DGKI: variants seen among roughly 807,000 people sequenced by gnomAD.
The protein encoded by DGKI is DAG kinase iota.
Under a neutral mutation model 147.5 loss-of-function variants are expected in DGKI, and 55 were observed. The ratio of observed to expected loss-of-function variants is 0.37; its 90% CI spans 0.30 to 0.47. The LOEUF (loss-of-function observed/expected upper bound fraction) is 0.47, where lower values mean the gene tolerates loss of function less well. Ranked by LOEUF, DGKI falls within the 20% of genes least tolerant of loss-of-function variation. The pLI, the probability that DGKI is intolerant of heterozygous loss-of-function variation, is 1.00. For synonymous variants in DGKI, 469 were observed against 477.1 expected (o/e 0.98, Z 0.22); for missense variants, 1,007 against 1,323.8 (o/e 0.76, Z 3.71).
At chr7:137,589,011 G>A (rs1009189584) in intron 12 of DGKI, among the ~76,000 whole-genome samples, 1 of 152,128 alleles carries the variant, frequency 6.6e-6, no homozygotes, top group African/African-American at 2.4e-5. Flanking sequence ...CCCCTTAACT[G>A]CTAAGGTATA....
chr7:137,658,510 T>C (rs1342975747), intron 3 of DGKI, among the ~76,000 whole-genome samples: 1 of 152,200 alleles, frequency 6.6e-6, no homozygotes, highest in Non-Finnish European at 1.5e-5. Context: ...TTACCACAGG[T>C]AGGCAACCAC....
chr7:137,523,974 G>A (rs1279290029), intron 20 of DGKI, among the ~76,000 whole-genome samples: 1 of 151,512 alleles, frequency 6.6e-6, no homozygotes, highest in East Asian at 1.9e-4. Flanking sequence ...CCTCTGAGGA[G>A]TTCAGACTCT....
intron 1 of DGKI, among the ~76,000 whole-genome samples, chr7:137,698,504 A>C (rs967973361): frequency 3.9e-5 from 6 of 152,132 alleles, no homozygotes; most frequent in Admixed American, 6.6e-5. Flanking sequence ...ACTTTACATC[A>C]ACCAGTCTTT....
At chr7:137,426,019 C>T (rs555080257) in intron 28 of DGKI, among the ~76,000 whole-genome samples, 1 of 152,208 alleles carries the variant, frequency 6.6e-6, no homozygotes, top group African/African-American at 2.4e-5. Context: ...AAAAGGCAGG[C>T]CAACATTCAG....
intron 1 of DGKI, among the ~76,000 whole-genome samples, chr7:137,715,108 A>C (rs779190983): frequency 6.6e-6 from 1 of 152,158 alleles, no homozygotes; most frequent in Admixed American, 6.5e-5. Context: ...TCTTTTCTAC[A>C]TCTTGCTTTT....
At chr7:137,638,460 ATGTGTG>A (rs769902492) in intron 6 of DGKI, among the ~76,000 whole-genome samples, 32 of 50,702 alleles carry the variant, frequency 6.3e-4, no homozygotes, top group East Asian at 2.1e-3. Flanking sequence ...ACACATATAT[ATGTGTG>A]TATATATGTG....
At chr7:137,631,701 A>T (rs1165819331) in intron 6 of DGKI, among the ~76,000 whole-genome samples, 1 of 152,108 alleles carries the variant, frequency 6.6e-6, no homozygotes, top group Non-Finnish European at 1.5e-5. Flanking sequence ...CTAGAAGATG[A>T]TAACACCAGG....
chr7:137,609,152 A>C, intron 9 of DGKI, 88 bp from the exon 10 acceptor site: 1 of 983,974 alleles, frequency 1.0e-6, no homozygotes, highest in Admixed American at 2.0e-5. Flanking sequence ...CCACCCAATA[A>C]TACATTTTGT....
intron 19 of DGKI, among the ~76,000 whole-genome samples, chr7:137,567,749 G>C (rs555376552): frequency 6.6e-6 from 1 of 152,166 alleles, no homozygotes; most frequent in South Asian, 2.1e-4. Context: ...GTGATATTCA[G>C]GTACTATTAT....
At position 137,846,655 on chromosome 7, in the gene DGKI, T is replaced by TGCTGCC; in HGVS notation, c.202_207dup (p.Gly68_Ser69dup). On this transcript the variant is annotated inframe_insertion, in exon 1 of 33. Coordinates refer to ENST00000614521, the MANE Select transcript of DGKI (RefSeq NM_001321708.2). The surrounding 1 kb of genome is among the most constrained non-coding windows in gnomAD (Gnocchi z 4.0). The stretch of plus-strand genomic sequence containing the variant: ...CTCCCGGCGCCGCTTCCGCTGCTGC[T>TGCTGCC]GCTGCCGCCCGTCGCCCCTTTCTCC... 1 of 1,068,958 alleles carries TGCTGCC rather than the reference T, an allele frequency of 9.4e-7. No individual in the cohort carries two copies. The highest frequency in any genetic ancestry group is 3.4e-5 in the South Asian group (1 of 29,420). 66.2% of individuals were successfully genotyped at this position (1,068,958 alleles called of 1,614,324 possible).
intron 28 of DGKI, among the ~76,000 whole-genome samples, chr7:137,424,135 T>C (rs10274056): frequency 0.35 from 52,880 of 152,064 alleles, 9,991 homozygotes; most frequent in East Asian, 0.65. Flanking sequence ...AAAGTAAAAA[T>C]AAATCTTAAC....
chr7:137,610,414 C>G (rs1820325262), intron 8 of DGKI, among the ~76,000 whole-genome samples: 1 of 152,176 alleles, frequency 6.6e-6, no homozygotes, highest in Non-Finnish European at 1.5e-5. Context: ...ATTACTTCAA[C>G]TAACCATTTT....
chr7:137,728,085 A>C (rs576403071), intron 1 of DGKI, among the ~76,000 whole-genome samples: 1 of 152,346 alleles, frequency 6.6e-6, no homozygotes, highest in African/African-American at 2.4e-5. Context: ...AAATGGCAAA[A>C]GTTATTCTTG....
At chr7:137,796,159 G>A (rs988564440) in intron 1 of DGKI, among the ~76,000 whole-genome samples, 3 of 152,192 alleles carry the variant, frequency 2.0e-5, no homozygotes, top group African/African-American at 7.2e-5. Context: ...AACAGAAACT[G>A]CCTCTGAGAA....
chr7:137,468,874 A>G (rs1814765745), intron 24 of DGKI, among the ~76,000 whole-genome samples: 1 of 152,200 alleles, frequency 6.6e-6, no homozygotes, highest in South Asian at 2.1e-4. Context: ...ATGTCTCCAT[A>G]TGAACAAAAG....
At chr7:137,585,994 T>C (rs1819379720) in intron 13 of DGKI, among the ~76,000 whole-genome samples, 1 of 152,196 alleles carries the variant, frequency 6.6e-6, no homozygotes, top group African/African-American at 2.4e-5. Flanking sequence ...GTAAATACGT[T>C]TTTTATTTCT....
intron 10 of DGKI, among the ~76,000 whole-genome samples, chr7:137,602,365 G>A (rs550066299): frequency 4.6e-5 from 7 of 152,268 alleles, no homozygotes; most frequent in Non-Finnish European, 8.8e-5. Context: ...TAAAAGGTCC[G>A]AGTGGCCACA....
At chr7:137,549,648 C>T (rs1377261043) in intron 20 of DGKI, among the ~76,000 whole-genome samples, 2 of 152,202 alleles carry the variant, frequency 1.3e-5, no homozygotes, top group Non-Finnish European at 2.9e-5. Flanking sequence ...TCAAATGGTG[C>T]ACTTCACACA....
At chr7:137,534,185 A>G (rs1360304527) in intron 20 of DGKI, among the ~76,000 whole-genome samples, 1 of 152,108 alleles carries the variant, frequency 6.6e-6, no homozygotes, top group East Asian at 1.9e-4. Context: ...CAAAACGAAC[A>G]TCTAGGTTTC....
Sources: gnomAD v4.1 joint callset for allele counts (sites outside exome capture counted in the v4.1 genomes callset) on GRCh38, gnomAD v4.1.1 for gene constraint, Gnocchi (gnomAD v3.1) non-coding constraint, MANE v1.5 for transcripts, NCBI Gene and HGNC (gene_info 2026-07-23, HGNC 2026-07-21) for gene names.